The following ANKRD33B variants were observed in gnomAD, a reference collection of about 807,000 sequenced individuals.
ANKRD33B encodes the protein ankyrin repeat domain-containing protein 33B.
In ANKRD33B, 6 loss-of-function variants were observed where a neutral mutation model predicts 21.5. The ratio of observed to expected loss-of-function variants is 0.28; its 90% CI spans 0.15 to 0.55. The LOEUF (loss-of-function observed/expected upper bound fraction) is 0.55. ANKRD33B is among the 20% of genes least tolerant of loss of function. ANKRD33B has a pLI of 0.94. For missense variants in ANKRD33B, 698 were observed against 747.2 expected (o/e 0.93, Z 0.77); for synonymous variants, 347 against 342.4 (o/e 1.01, Z -0.15).
At chr5:10,574,482 A>G (rs556968472) in intron 1 of ANKRD33B, among the ~76,000 whole-genome samples, 3 of 152,372 alleles carry the variant, frequency 2.0e-5, no homozygotes, top group Admixed American at 6.5e-5. Flanking sequence ...GCTGAAAAGT[A>G]ATAAAAATAT....
At chr5:10,568,537 G>A (rs547301553) in intron 1 of ANKRD33B, among the ~76,000 whole-genome samples, 65 of 152,186 alleles carry the variant, frequency 4.3e-4, no homozygotes, top group Non-Finnish European at 7.5e-4. Flanking sequence ...GCTTCTGCGT[G>A]TTCGTGTTTG....
At chr5:10,565,758 A>G (rs893827318) in intron 1 of ANKRD33B, among the ~76,000 whole-genome samples, 2 of 152,268 alleles carry the variant, frequency 1.3e-5, no homozygotes, top group African/African-American at 2.4e-5. Flanking sequence ...ACGGTGGCCA[A>G]GTTCCCCGTA....
chr5:10,568,352 C>G (rs1484858180), intron 1 of ANKRD33B, among the ~76,000 whole-genome samples: 1 of 152,236 alleles, frequency 6.6e-6, no homozygotes, highest in East Asian at 1.9e-4. Context: ...CTTACTATCA[C>G]CTGAAGTTCA....
At chr5:10,602,579 A>G (rs1018492979) in intron 1 of ANKRD33B, among the ~76,000 whole-genome samples, 7 of 152,340 alleles carry the variant, frequency 4.6e-5, no homozygotes, top group East Asian at 3.8e-4. Context: ...TGAATAGAAC[A>G]TGCTGTCGTC....
intron 1 of ANKRD33B, among the ~76,000 whole-genome samples, chr5:10,571,733 G>T (rs930307615): frequency 3.9e-5 from 6 of 152,286 alleles, no homozygotes; most frequent in Middle Eastern, 3.4e-3. Flanking sequence ...AGATTTCTGA[G>T]GTGTTTGCAC....
Position 10,649,504 on chromosome 5 carries a change from G to A in ANKRD33B, c.876G>A (p.Thr292=), listed in dbSNP as rs1013749546. ...RLTDCVLSVL[T]PRSVRGPEDG... is the part of the protein sequence containing the mutation. Reference sequence around the variant, plus strand: ...CAGACTGCGTGCTGTCCGTGCTGACGCCGCGCTCCGTGCGGGGCCCGGAGG... The same window carrying A: ...CAGACTGCGTGCTGTCCGTGCTGACACCGCGCTCCGTGCGGGGCCCGGAGG... Residue 292 remains threonine (T), a synonymous_variant, in exon 4 of 4, where the codon ACG becomes ACA. Transcript: ENST00000296657. 3.3e-5 allele frequency: 50 copies of A among 1,534,594 alleles called. No homozygotes were observed. Among genetic ancestry groups the A allele is most frequent in the Non-Finnish European group, 4.4e-5 (50 of 1,146,166 alleles).
At chr5:10,597,590 A>T (rs1287209093) in intron 1 of ANKRD33B, among the ~76,000 whole-genome samples, 1 of 152,160 alleles carries the variant, frequency 6.6e-6, no homozygotes, top group African/African-American at 2.4e-5. Context: ...CACAATAATA[A>T]TGGGAGACTT....
At chr5:10,601,718 C>T (rs1169392802) in intron 1 of ANKRD33B, among the ~76,000 whole-genome samples, 4 of 152,254 alleles carry the variant, frequency 2.6e-5, no homozygotes, top group Non-Finnish European at 5.9e-5. Context: ...CTCCTCCCTG[C>T]GGGGCATGCT....
At chr5:10,591,156 C>T (rs1172822710) in intron 1 of ANKRD33B, among the ~76,000 whole-genome samples, 1 of 149,970 alleles carries the variant, frequency 6.7e-6, no homozygotes. Flanking sequence ...TGTTTCTAAG[C>T]CAGGTTTATA....
At chr5:10,600,740 T>G (rs1735910453) in intron 1 of ANKRD33B, among the ~76,000 whole-genome samples, 1 of 152,154 alleles carries the variant, frequency 6.6e-6, no homozygotes, top group East Asian at 1.9e-4. Context: ...AAACTGCCAG[T>G]TTCCCAGTGT....
intron 2 of ANKRD33B, among the ~76,000 whole-genome samples, chr5:10,627,076 C>T (rs899892457): frequency 1.3e-5 from 2 of 152,160 alleles, no homozygotes; most frequent in Admixed American, 6.5e-5. Context: ...CTAATTTCCT[C>T]GGCTATTTAA....
At position 10,649,635 on chromosome 5, in the gene ANKRD33B, G is replaced by T; in HGVS notation, c.1007G>T (p.Gly336Val). 6.5e-7 allele frequency: 1 copy of T among 1,531,198 alleles called. No homozygotes were observed. Among genetic ancestry groups the T allele is most frequent in the East Asian group, 2.5e-5 (1 of 40,774 alleles). The allele number at this position is 1,531,198 out of a possible 1,614,324, so 94.9% of individuals were successfully genotyped here. Residue 336 changes from glycine (G) to valine (V), a missense_variant, in exon 4 of 4, where the codon GGG (glycine) becomes GTG (valine). Gly to Val is a moderately radical substitution (Grantham distance 109). Around this residue, in one of 3 missense-constraint regions of ANKRD33B, gnomAD observed 543 missense variants for 566.5 expected, o/e 0.96. Transcript: ENST00000296657. ...TGCCCTGAGAGCCCTCCGAGCGTGG[G>T]GAAGAGGCGGCTGGCGGTGCAGGAG... ...TVCPESPPSV[G>V]KRRLAVQEIL... is the part of the protein sequence containing the mutation.
intron 1 of ANKRD33B, among the ~76,000 whole-genome samples, chr5:10,579,152 G>C (rs1435104550): frequency 1.5e-5 from 2 of 135,208 alleles, no homozygotes; most frequent in Non-Finnish European, 3.1e-5. Flanking sequence ...CAAGGGAAGT[G>C]ATACTGTGTC....
chr5:10,603,614 A>G (rs1368895066), intron 1 of ANKRD33B, among the ~76,000 whole-genome samples: 2 of 152,182 alleles, frequency 1.3e-5, no homozygotes, highest in Non-Finnish European at 2.9e-5. Context: ...ATAGATGTTC[A>G]TTGTAGGGAA....
intron 3 of ANKRD33B, among the ~76,000 whole-genome samples, chr5:10,643,323 G>A (rs887822364): frequency 1.3e-5 from 2 of 152,120 alleles, no homozygotes; most frequent in Non-Finnish European, 2.9e-5. Context: ...CAAGATGACT[G>A]TAGCACCTCT....
chr5:10,606,133 G>C (rs1467654132), intron 1 of ANKRD33B, among the ~76,000 whole-genome samples: 3 of 152,212 alleles, frequency 2.0e-5, no homozygotes, highest in Admixed American at 2.0e-4. Flanking sequence ...TTGGCAGAGG[G>C]AATACAGTTG....
chr5:10,577,819 A>G (rs1040890545), intron 1 of ANKRD33B, among the ~76,000 whole-genome samples: 8 of 152,236 alleles, frequency 5.3e-5, no homozygotes, highest in South Asian at 4.1e-4. Flanking sequence ...CATGTACAGT[A>G]GAGCCAGGTT....
At chr5:10,634,457 A>ATTTTTTTTTT (rs34515233) in intron 2 of ANKRD33B, among the ~76,000 whole-genome samples, 5 of 141,858 alleles carry the variant, frequency 3.5e-5, no homozygotes, top group Non-Finnish European at 3.1e-5. Context: ...CTCAAACTAG[A>ATTTTTTTTTT]TTTTTTTCTT....
intron 2 of ANKRD33B, among the ~76,000 whole-genome samples, chr5:10,632,483 G>A (rs545175550): frequency 3.0e-4 from 45 of 152,246 alleles, no homozygotes; most frequent in African/African-American, 1.1e-3. Flanking sequence ...GGGGTGTGGC[G>A]GGGCCAGGCG....
Sources: gnomAD v4.1 joint callset for allele counts (sites outside exome capture counted in the v4.1 genomes callset) on GRCh38, gnomAD v4.1.1 for gene constraint, gnomAD v4.1.1 regional missense constraint, MANE v1.5 for transcripts, NCBI Gene and HGNC (gene_info 2026-07-23, HGNC 2026-07-21) for gene names.